The following AGBL4 variants were observed in gnomAD, a reference collection of about 807,000 sequenced individuals.
AGBL4 encodes the protein cytosolic carboxypeptidase 6.
In AGBL4, 58 loss-of-function variants were observed where a neutral mutation model predicts 66.4. The ratio of observed to expected loss-of-function variants is 0.87; its 90% CI spans 0.71 to 1.09. The LOEUF (loss-of-function observed/expected upper bound fraction) is 1.09, where lower values mean the gene tolerates loss of function less well. AGBL4 is among the 50% of genes least tolerant of loss of function. AGBL4 has a pLI of 0.00. For synonymous variants in AGBL4, 234 were observed against 222.9 expected, an observed-to-expected ratio of 1.05 and a Z score of -0.44; for missense variants, 579 against 631.0, an observed-to-expected ratio of 0.92 and a Z score of 0.88.
chr1:49,521,231 A>T (rs1385633350), intron 3 of AGBL4, among the ~76,000 whole-genome samples: 1 of 152,078 alleles, frequency 6.6e-6, no homozygotes, highest in Non-Finnish European at 1.5e-5. Context: ...GAAACAACCA[A>T]TGTTATTTTT....
In AGBL4 at chr1:49,151,281, AAT is replaced by A. The variant is rs67309599; in HGVS notation, c.377+94487_377+94488del. Among the ~76,000 whole-genome samples, 933 of 143,140 alleles carry A rather than the reference AAT, an allele frequency of 6.5e-3. 24 individuals are homozygous for A. The highest frequency in any genetic ancestry group is 0.021 in the African/African-American group (812 of 38,726). The allele number at this position is 143,140 out of a possible 152,430, so 93.9% of individuals were successfully genotyped here. On this transcript the variant is annotated intron_variant, in intron 4 of 13. Transcript: ENST00000371839. ...AAGACTCCGTCTCAAAAAAAAAAAAAATATATATATATATATATGTATATGTA... is the reference window on the plus strand; with the variant it reads ...AAGACTCCGTCTCAAAAAAAAAAAAAATATATATATATATATGTATATGTA...
chr1:50,017,831 C>A (rs1313391301), intron 1 of AGBL4, among the ~76,000 whole-genome samples: 3 of 152,130 alleles, frequency 2.0e-5, no homozygotes, highest in Non-Finnish European at 2.9e-5. Flanking sequence ...CAAACCCCAG[C>A]AACATGCAAT....
At chr1:49,672,701 G>A (rs1308394119) in intron 3 of AGBL4, among the ~76,000 whole-genome samples, 3 of 151,562 alleles carry the variant, frequency 2.0e-5, no homozygotes, top group Admixed American at 6.6e-5. Context: ...CAGATGGATC[G>A]CCTGAGGTCA....
chr1:49,961,064 G>A (rs1345497450), intron 1 of AGBL4, among the ~76,000 whole-genome samples: 2 of 152,060 alleles, frequency 1.3e-5, no homozygotes, highest in Non-Finnish European at 2.9e-5. Context: ...GGGTTACGTT[G>A]AAATTGATGA....
chr1:49,923,588 A>T (rs914234897), intron 1 of AGBL4, among the ~76,000 whole-genome samples: 1 of 152,198 alleles, frequency 6.6e-6, no homozygotes, highest in African/African-American at 2.4e-5. Flanking sequence ...AATATCAAGA[A>T]TCTATAAGGA....
At chr1:49,742,687 C>G (rs932791724) in intron 2 of AGBL4, among the ~76,000 whole-genome samples, 18 of 152,280 alleles carry the variant, frequency 1.2e-4, no homozygotes, top group Non-Finnish European at 2.4e-4. Flanking sequence ...CAGCATGGTA[C>G]TGGTACCAAA....
chr1:49,482,906 T>C (rs961013826), intron 3 of AGBL4, among the ~76,000 whole-genome samples: 14 of 152,230 alleles, frequency 9.2e-5, no homozygotes, highest in South Asian at 2.1e-4. Flanking sequence ...AGCAGGTTAT[T>C]CAATTTCCAT....
intron 4 of AGBL4, among the ~76,000 whole-genome samples, chr1:49,169,020 T>C (rs1004453777): frequency 5.9e-5 from 9 of 152,184 alleles, no homozygotes; most frequent in African/African-American, 1.4e-4. Context: ...GTAACCTGCA[T>C]ATGTATGCTT....
intron 5 of AGBL4, among the ~76,000 whole-genome samples, chr1:49,011,805 C>G (rs1332614375): frequency 2.1e-5 from 3 of 146,156 alleles, no homozygotes; most frequent in Non-Finnish European, 3.0e-5. Context: ...ACCGCATATT[C>G]TCACTCATAG....
intron 1 of AGBL4, among the ~76,000 whole-genome samples, chr1:49,929,020 A>G (rs1288032825): frequency 3.0e-4 from 45 of 152,230 alleles, no homozygotes; most frequent in Non-Finnish European, 2.9e-5. Flanking sequence ...TTGCAGCAAC[A>G]TGGATGCAGC....
At chr1:49,684,589 C>G (rs1297367225) in intron 3 of AGBL4, among the ~76,000 whole-genome samples, 2 of 152,008 alleles carry the variant, frequency 1.3e-5, no homozygotes, top group African/African-American at 4.8e-5. Flanking sequence ...GATGTTAAAG[C>G]ACAATAAAAG....
At position 48,721,159 on chromosome 1, in the gene AGBL4, T is replaced by C. The variant is rs190423041; in HGVS notation, c.635-57918A>G. Among the ~76,000 whole-genome samples, 81 of 152,168 alleles carry C rather than the reference T, an allele frequency of 5.3e-4. 1 individual carries two copies. The South Asian group carries it at 0.014, about 26-fold the overall frequency. On this transcript the variant is annotated intron_variant, in intron 6 of 13. Coordinates refer to ENST00000371839, the MANE Select transcript of AGBL4 (RefSeq NM_032785.4). The stretch of plus-strand genomic sequence containing the variant: ...ATTTATAACTGGGCTGACATATGGC[T>C]GATTCCAGAAAATCATTTAAATTGA...
intron 1 of AGBL4, among the ~76,000 whole-genome samples, chr1:50,016,090 T>C (rs559415006): frequency 1.6e-4 from 24 of 152,240 alleles, no homozygotes; most frequent in Non-Finnish European, 2.9e-4. Flanking sequence ...GATGGAGACA[T>C]GAAAAGCAAC....
At chr1:49,842,440 G>A (rs1490191125) in intron 2 of AGBL4, 2 of 865,926 alleles carry the variant, frequency 2.3e-6, no homozygotes, top group East Asian at 8.7e-5. Flanking sequence ...CTTGCTCCCT[G>A]GTTTCTCTGT....
intron 4 of AGBL4, among the ~76,000 whole-genome samples, chr1:49,057,225 A>G (rs1217247348): frequency 6.6e-6 from 1 of 152,086 alleles, no homozygotes; most frequent in Non-Finnish European, 1.5e-5. Context: ...ACATGGCAAA[A>G]TCCTGTCTCT....
At chr1:49,299,015 C>A (rs1644695198) in intron 3 of AGBL4, among the ~76,000 whole-genome samples, 1 of 152,102 alleles carries the variant, frequency 6.6e-6, no homozygotes, top group Non-Finnish European at 1.5e-5. Context: ...ACAACAGTAA[C>A]AATGACCATT....
At chr1:48,705,452 G>T (rs1646868062) in intron 6 of AGBL4, among the ~76,000 whole-genome samples, 1 of 152,186 alleles carries the variant, frequency 6.6e-6, no homozygotes, top group Non-Finnish European at 1.5e-5. Flanking sequence ...CTTGCCATGT[G>T]TATTGCATTG....
chr1:49,364,124 A>C (rs1644195939), intron 3 of AGBL4, among the ~76,000 whole-genome samples: 2 of 152,216 alleles, frequency 1.3e-5, no homozygotes, highest in South Asian at 4.1e-4. Flanking sequence ...GGAGATGATA[A>C]GGCCGTTTGG....
chr1:49,883,000 G>A (rs1358133267), intron 1 of AGBL4, among the ~76,000 whole-genome samples: 25 of 152,126 alleles, frequency 1.6e-4, no homozygotes, highest in Admixed American at 1.4e-3. Context: ...CTGCCTACAC[G>A]TACATGCAAA....
Sources: gnomAD v4.1 joint callset for allele counts (sites outside exome capture counted in the v4.1 genomes callset) on GRCh38, gnomAD v4.1.1 for gene constraint, MANE v1.5 for transcripts, NCBI Gene and HGNC (gene_info 2026-07-23, HGNC 2026-07-21) for gene names.